Variants in UBE3D observed in about 807,000 individuals in gnomAD.
The protein encoded by UBE3D is E3 ubiquitin-protein ligase E3D.
UBE3D carries 48 observed loss-of-function variants against 49.6 expected under a neutral mutation model. The observed-to-expected ratio is 0.97, with a 90% CI of 0.77 to 1.23. UBE3D has a LOEUF of 1.23. UBE3D is among the 50% of genes most tolerant of loss of function. The pLI, the probability that UBE3D is intolerant of heterozygous loss-of-function variation, is 0.00. For missense variants in UBE3D, 452 were observed against 468.4 expected (o/e 0.96, Z 0.32); for synonymous variants, 189 against 174.2 (o/e 1.08, Z -0.67).
At chr6:83,047,390 A>G (rs1783133443) in intron 3 of UBE3D, among the ~76,000 whole-genome samples, 2 of 152,126 alleles carry the variant, frequency 1.3e-5, no homozygotes, top group Non-Finnish European at 2.9e-5. Flanking sequence ...AACCCTACAA[A>G]CTATATCAAG....
chr6:82,899,823 C>T (rs1194839664), intron 9 of UBE3D, among the ~76,000 whole-genome samples: 1 of 152,130 alleles, frequency 6.6e-6, no homozygotes, highest in African/African-American at 2.4e-5. Context: ...TTCTGATGCT[C>T]CCAGTCATAT....
chr6:82,891,261 A>C, downstream of UBE3D, among the ~76,000 whole-genome samples: 1 of 152,102 alleles, frequency 6.6e-6, no homozygotes, highest in East Asian at 1.9e-4. Context: ...ACACAACTGG[A>C]GTGGAGGAGG....
intron 1 of UBE3D, among the ~76,000 whole-genome samples, chr6:83,058,609 G>A (rs1001154784): frequency 1.4e-4 from 22 of 152,178 alleles, no homozygotes; most frequent in Admixed American, 9.2e-4. Flanking sequence ...ACTGCAATAC[G>A]CTTAGCAATG....
chr6:82,985,014 T>C (rs1224954823), intron 8 of UBE3D, among the ~76,000 whole-genome samples: 7 of 136,168 alleles, frequency 5.1e-5, no homozygotes, highest in Non-Finnish European at 1.1e-4. Context: ...TCTTCTTTTT[T>C]TTTTTTTTTT....
At chr6:82,943,960 C>T (rs1234500877) in intron 9 of UBE3D, among the ~76,000 whole-genome samples, 1 of 152,088 alleles carries the variant, frequency 6.6e-6, no homozygotes, top group African/African-American at 2.4e-5. Context: ...AATCGCCCAT[C>T]CCAGTGGTGG....
intron 8 of UBE3D, among the ~76,000 whole-genome samples, chr6:82,967,588 C>G (rs940994060): frequency 2.6e-5 from 4 of 152,052 alleles, no homozygotes; most frequent in African/African-American, 9.7e-5. Context: ...TTTTTTATAA[C>G]TCACCATAAT....
chr6:83,003,754 G>C (rs1490988466), intron 8 of UBE3D, among the ~76,000 whole-genome samples: 2 of 152,152 alleles, frequency 1.3e-5, no homozygotes, highest in Non-Finnish European at 2.9e-5. Context: ...GAAAGATAGA[G>C]TATTATAATT....
intron 9 of UBE3D, among the ~76,000 whole-genome samples, chr6:82,926,520 G>C (rs759968646): frequency 6.6e-6 from 1 of 152,090 alleles, no homozygotes; most frequent in Non-Finnish European, 1.5e-5. Context: ...TTGCCAACGT[G>C]TTTTCTAAAG....
At chr6:82,962,723 A>G (rs1776642592) in intron 8 of UBE3D, among the ~76,000 whole-genome samples, 1 of 152,196 alleles carries the variant, frequency 6.6e-6, no homozygotes, top group South Asian at 2.1e-4. Flanking sequence ...ATGATAGGAA[A>G]ATCTCAAGCA....
At chr6:82,988,346 G>C (rs989943156) in intron 8 of UBE3D, among the ~76,000 whole-genome samples, 7 of 152,010 alleles carry the variant, frequency 4.6e-5, no homozygotes, top group Non-Finnish European at 1.0e-4. Flanking sequence ...GAACTTTTCT[G>C]TAAATTCAAG....
chr6:82,925,999 T>G (rs1177559895), intron 9 of UBE3D, among the ~76,000 whole-genome samples: 3 of 144,052 alleles, frequency 2.1e-5, no homozygotes, highest in African/African-American at 5.1e-5. Flanking sequence ...TAGTCTAAAA[T>G]CTTATTAAAA....
chr6:82,985,805 G>A (rs1778446460), intron 8 of UBE3D, among the ~76,000 whole-genome samples: 1 of 152,142 alleles, frequency 6.6e-6, no homozygotes, highest in African/African-American at 2.4e-5. Flanking sequence ...CACTGTTTGA[G>A]AGGCCACCTT....
chr6:83,034,907 G>A (rs1177345115), intron 5 of UBE3D, among the ~76,000 whole-genome samples: 1 of 152,056 alleles, frequency 6.6e-6, no homozygotes, highest in Admixed American at 6.5e-5. Flanking sequence ...AATCAGCCAG[G>A]TATGTTGGCT....
intron 3 of UBE3D, among the ~76,000 whole-genome samples, chr6:83,045,410 T>A (rs1056202552): frequency 6.6e-5 from 10 of 152,204 alleles, no homozygotes; most frequent in African/African-American, 2.4e-4. Flanking sequence ...GTTTTGCTAC[T>A]TATAGTCTAC....
intron 4 of UBE3D, among the ~76,000 whole-genome samples, chr6:83,042,476 T>C (rs1027984467): frequency 6.6e-6 from 1 of 152,334 alleles, no homozygotes; most frequent in Admixed American, 6.5e-5. Flanking sequence ...TTAAAGAGAA[T>C]CTCTGCTTTG....
intron 9 of UBE3D, among the ~76,000 whole-genome samples, chr6:82,911,917 T>A (rs1165026003): frequency 6.6e-6 from 1 of 152,216 alleles, no homozygotes; most frequent in Non-Finnish European, 1.5e-5. Flanking sequence ...CTCCAATTAA[T>A]GCTGTACCTC....
At chr6:82,950,320 T>G (rs924232869) in intron 9 of UBE3D, among the ~76,000 whole-genome samples, 1 of 152,174 alleles carries the variant, frequency 6.6e-6, no homozygotes. Context: ...CAGGATATCA[T>G]CTCACACCAG....
Position 82,981,080 on chromosome 6 carries a change from T to C in UBE3D, c.1011-23630A>G, listed in dbSNP as rs185352709. Among the ~76,000 whole-genome samples the C allele has an allele frequency of 9.7e-4, 148 of 152,244 alleles. No homozygotes were observed. The Middle Eastern group carries it at 0.02, about 21-fold the overall frequency. ...AAATGAAAATTTGCATAGTACCTTA[T>C]ATGTTATCCAATTCTTTCACATAAT... On this transcript the variant is annotated intron_variant, in intron 8 of 9. Coordinates refer to ENST00000369747, the MANE Select transcript of UBE3D (RefSeq NM_198920.3).
downstream of UBE3D, among the ~76,000 whole-genome samples, chr6:82,889,687 T>C (rs546181334): frequency 6.6e-6 from 1 of 152,276 alleles, no homozygotes; most frequent in African/African-American, 2.4e-5. Flanking sequence ...AGAAATTATA[T>C]ATAGTAATTT....
Sources: gnomAD v4.1 joint callset for allele counts (sites outside exome capture counted in the v4.1 genomes callset) on GRCh38, gnomAD v4.1.1 for gene constraint, MANE v1.5 for transcripts, NCBI Gene and HGNC (gene_info 2026-07-23, HGNC 2026-07-21) for gene names.